The following RAPGEF4 variants were observed in gnomAD, a reference collection of about 807,000 sequenced individuals.
RAPGEF4 encodes Rap guanine nucleotide exchange factor 4, also known as RAP guanine-nucleotide-exchange factor (GEF) 4.
In RAPGEF4, 66 loss-of-function variants were observed where a neutral mutation model predicts 147.9. The observed-to-expected ratio is 0.45, with a 90% CI of 0.37 to 0.55. RAPGEF4 has a LOEUF of 0.55. RAPGEF4 is among the 20% of genes least tolerant of loss of function. The pLI is 0.00. For missense variants in RAPGEF4, 1,071 were observed against 1,257.3 expected (o/e 0.85, Z 2.24); for synonymous variants, 419 against 442.7 (o/e 0.95, Z 0.67).
chr2:173,044,274 C>T (rs1483194177), intron 29 of RAPGEF4, among the ~76,000 whole-genome samples: 3 of 94,846 alleles, frequency 3.2e-5, no homozygotes, highest in Admixed American at 1.5e-4. Flanking sequence ...CGCCGGGGGG[C>T]GGGAGGGGGG....
At chr2:173,044,638 T>TG (rs1218462766) in intron 29 of RAPGEF4, among the ~76,000 whole-genome samples, 1 of 152,176 alleles carries the variant, frequency 6.6e-6, no homozygotes, top group Non-Finnish European at 1.5e-5. Context: ...ATATTCATTT[T>TG]TGCACATAAG....
At chr2:172,919,688 C>T (rs926310101) in intron 5 of RAPGEF4, among the ~76,000 whole-genome samples, 3 of 152,172 alleles carry the variant, frequency 2.0e-5, no homozygotes, top group African/African-American at 7.2e-5. Flanking sequence ...CCTAAGTTTC[C>T]AGGTGACCTC....
chr2:173,051,537 C>A, intron 30 of RAPGEF4, 103 bp from the exon 31 acceptor site: 1 of 1,304,424 alleles, frequency 7.7e-7, no homozygotes, highest in Non-Finnish European at 1.0e-6. Flanking sequence ...CTTGAGGGAA[C>A]CCAGGAACCT....
rs372875027 is a variant in RAPGEF4 at position 172,965,538 on chromosome 2, C to G, written c.699-24C>G. ...ATCTGAAAAGGGGTGACTTCCCCAC[C>G]CTTTCTGTCTCACCTCTCCTTAGAC... On this transcript the variant is annotated intron_variant, in intron 8 of 30. Coordinates refer to ENST00000397081, the MANE Select transcript of RAPGEF4 (RefSeq NM_007023.4). The G allele has an allele frequency of 1.6e-5, 26 of 1,611,236 alleles. No homozygotes were observed. In the African/African-American group the frequency reaches 3.2e-4, roughly 20 times the overall value.
chr2:173,031,096 T>C (rs113091819), intron 26 of RAPGEF4, among the ~76,000 whole-genome samples: 28 of 152,364 alleles, frequency 1.8e-4, no homozygotes, highest in Non-Finnish European at 3.7e-4. Flanking sequence ...TAAAGGCAGC[T>C]GTTTGCATCT....
At chr2:173,024,363 G>GC (rs1696443156) in intron 23 of RAPGEF4, among the ~76,000 whole-genome samples, 1 of 148,248 alleles carries the variant, frequency 6.7e-6, no homozygotes, top group South Asian at 2.2e-4. Flanking sequence ...GACTACAGGC[G>GC]CCCGCCACTA....
At chr2:172,778,635 GA>G (rs1165218537) in intron 1 of RAPGEF4, among the ~76,000 whole-genome samples, 1 of 152,056 alleles carries the variant, frequency 6.6e-6, no homozygotes, top group Non-Finnish European at 1.5e-5. Context: ...CTCTAAAAAG[GA>G]ATGGTGCCTG....
At chr2:172,833,462 G>GT (rs1030038234) in intron 4 of RAPGEF4, among the ~76,000 whole-genome samples, 6 of 152,062 alleles carry the variant, frequency 3.9e-5, no homozygotes, top group African/African-American at 1.2e-4. Context: ...GAGTATACTT[G>GT]TTTTTTCAGT....
chr2:173,041,870 C>A (rs1283259148), intron 29 of RAPGEF4, among the ~76,000 whole-genome samples: 1 of 152,060 alleles, frequency 6.6e-6, no homozygotes, highest in Non-Finnish European at 1.5e-5. Context: ...CCTCGTCAGT[C>A]AGGCCTCAGC....
At chr2:172,856,950 T>G (rs1469919629) in intron 4 of RAPGEF4, among the ~76,000 whole-genome samples, 1 of 151,988 alleles carries the variant, frequency 6.6e-6, no homozygotes, top group Non-Finnish European at 1.5e-5. Context: ...AGTGCCATTC[T>G]TCTAAGTGTC....
intron 10 of RAPGEF4, 26 bp from the exon 11 acceptor site, chr2:172,983,470 T>TA (rs1553541591): frequency 5.7e-6 from 9 of 1,567,318 alleles, no homozygotes; most frequent in Non-Finnish European, 7.7e-6. Flanking sequence ...TTTTCCATAT[T>TA]CCTTTTTTTT....
rs1488032830 is a variant in RAPGEF4 at position 172,870,618 on chromosome 2, T to C, written c.445-47184T>C. On this transcript the variant is annotated intron_variant, in intron 4 of 30. Coordinates refer to ENST00000397081, the MANE Select transcript of RAPGEF4 (RefSeq NM_007023.4). Reference sequence around the variant, plus strand: ...TAACAAAGTTCTGGAACCCATGGAATTAATTATAGGTGGTAATGGCTTCAG... The same window carrying C: ...TAACAAAGTTCTGGAACCCATGGAACTAATTATAGGTGGTAATGGCTTCAG... 2.6e-5 allele frequency among the ~76,000 whole-genome samples: 4 copies of C among 152,258 alleles called. No homozygotes were observed. In the South Asian group the frequency reaches 8.3e-4, roughly 32 times the overall value.
At chr2:172,803,057 C>G (rs1687134778) in intron 3 of RAPGEF4, among the ~76,000 whole-genome samples, 1 of 152,164 alleles carries the variant, frequency 6.6e-6, no homozygotes, top group Non-Finnish European at 1.5e-5. Flanking sequence ...CTTTCATGGG[C>G]TGGCATTGAG....
intron 1 of RAPGEF4, among the ~76,000 whole-genome samples, chr2:172,748,103 C>T (rs1694939445): frequency 6.6e-6 from 1 of 152,032 alleles, no homozygotes; most frequent in African/African-American, 2.4e-5. Flanking sequence ...TGTTTTCTTT[C>T]TTGGTTATTG....
chr2:172,916,722 T>G (rs1433268030), intron 4 of RAPGEF4, among the ~76,000 whole-genome samples: 2 of 152,124 alleles, frequency 1.3e-5, no homozygotes, highest in African/African-American at 4.8e-5. Context: ...AGAAGAAGGC[T>G]CTTTTGAGAA....
chr2:172,934,714 G>A (rs1686363550), intron 6 of RAPGEF4, among the ~76,000 whole-genome samples: 1 of 149,640 alleles, frequency 6.7e-6, no homozygotes, highest in African/African-American at 2.5e-5. Context: ...TGAGACAACA[G>A]TGTTTCATTT....
intron 15 of RAPGEF4, 42 bp from the exon 16 acceptor site, chr2:172,996,424 C>T (rs1472987005): frequency 1.7e-6 from 2 of 1,205,602 alleles, no homozygotes; most frequent in African/African-American, 1.6e-5. Context: ...TAATGATTTG[C>T]CCACTTTTGA....
intron 4 of RAPGEF4, among the ~76,000 whole-genome samples, chr2:172,911,429 G>T (rs1325880239): frequency 6.6e-6 from 1 of 152,088 alleles, no homozygotes; most frequent in African/African-American, 2.4e-5. Context: ...TAGTTTCCGG[G>T]AGTTGTTTTC....
chr2:172,868,216 A>G (rs1694840001), intron 4 of RAPGEF4, among the ~76,000 whole-genome samples: 1 of 152,224 alleles, frequency 6.6e-6, no homozygotes. Flanking sequence ...TAATAAAAGC[A>G]TGAATTAAAT....
Sources: gnomAD v4.1 joint callset for allele counts (sites outside exome capture counted in the v4.1 genomes callset) on GRCh38, gnomAD v4.1.1 for gene constraint, MANE v1.5 for transcripts, NCBI Gene and HGNC (gene_info 2026-07-23, HGNC 2026-07-21) for gene names.